The following DNTT variants were observed in gnomAD, a reference collection of about 807,000 sequenced individuals.
DNTT encodes the protein DNA nucleotidylexotransferase.
Under a neutral mutation model 60.9 loss-of-function variants are expected in DNTT, and 47 were observed. The observed-to-expected ratio is 0.77, with a 90% CI of 0.61 to 0.98. The LOEUF (loss-of-function observed/expected upper bound fraction) is 0.98. Ranked by LOEUF, DNTT falls within the 50% of genes least tolerant of loss-of-function variation. The pLI is 0.00. For missense variants in DNTT, 665 were observed against 627.5 expected, an observed-to-expected ratio of 1.06 and a Z score of -0.64; for synonymous variants, 224 against 221.2, an observed-to-expected ratio of 1.01 and a Z score of -0.11.
chr10:96,310,213 C>G (rs1000959470), intron 1 of DNTT, among the ~76,000 whole-genome samples: 1 of 152,246 alleles, frequency 6.6e-6, no homozygotes, highest in Non-Finnish European at 1.5e-5. Context: ...CCCATAAACA[C>G]TGGGGCCTCT....
chr10:96,334,300 GCAGAGA>G (rs1845042106), intron 9 of DNTT, among the ~76,000 whole-genome samples: 1 of 152,142 alleles, frequency 6.6e-6, no homozygotes, highest in Admixed American at 6.5e-5. Context: ...TCCCTGAGTT[GCAGAGA>G]CATTAGGTGA....
At chr10:96,328,930 C>G in intron 8 of DNTT, 100 bp downstream of exon 8, 1 of 1,158,874 alleles carries the variant, frequency 8.6e-7, no homozygotes, top group Non-Finnish European at 1.2e-6. Context: ...ACCATCTAAT[C>G]AATTCTCAAT....
intron 3 of DNTT, among the ~76,000 whole-genome samples, chr10:96,319,693 CA>C (rs901817578): frequency 2.3e-4 from 35 of 152,180 alleles, no homozygotes; most frequent in African/African-American, 8.0e-4. Context: ...TCTGAAAAAA[CA>C]AATACTGGAA....
intron 9 of DNTT, 138 bp from the exon 10 acceptor site, chr10:96,335,753 G>C: frequency 3.3e-6 from 3 of 908,648 alleles, no homozygotes; most frequent in African/African-American, 1.6e-5. Context: ...TCTGTCACCA[G>C]AGAATTTGGC....
chr10:96,307,772 TATA>T (rs547918356), intron 1 of DNTT, among the ~76,000 whole-genome samples: 10,156 of 111,178 alleles, frequency 0.091, 845 homozygotes, highest in South Asian at 0.16. Flanking sequence ...TATATATATA[TATA>T]TATTTTTTTT....
rs1461224907 is a variant in DNTT at position 96,320,714 on chromosome 10, C to A, written c.604C>A (p.Pro202Thr). 53 of 1,613,866 alleles carry A rather than the reference C, an allele frequency of 3.3e-5. No individual in the cohort carries two copies. The highest frequency in any genetic ancestry group is 4.5e-5 in the Non-Finnish European group (53 of 1,179,820). Residue 202 changes from proline (P) to threonine (T), a missense_variant, in exon 4 of 11, where the codon CCA (proline) becomes ACA (threonine). Transcript: ENST00000371174. ...MRAASVLKSL[P>T]FTIISMKDTE... Reference sequence around the variant, plus strand: ...AGCAGCTTCTGTATTGAAATCTCTGCCATTCACAATCATCAGTATGAAGGA... The same window carrying A: ...AGCAGCTTCTGTATTGAAATCTCTGACATTCACAATCATCAGTATGAAGGA...
chr10:96,305,824 A>AT (rs1173796938), intron 1 of DNTT, among the ~76,000 whole-genome samples: 2 of 152,116 alleles, frequency 1.3e-5, no homozygotes, highest in African/African-American at 2.4e-5. Flanking sequence ...CTTTTCATTC[A>AT]TTTTTTGCTA....
At position 96,324,292 on chromosome 10, in the gene DNTT, G is replaced by A; in HGVS notation, c.777G>A (p.Gly259=). The change falls in exon 6 of 11, where the codon GGG becomes GGA. Residue 259 remains glycine, a synonymous_variant. Coordinates refer to ENST00000371174, the MANE Select transcript of DNTT (RefSeq NM_004088.4). The part of the protein sequence containing the change: ...FKLFTSVFGV[G]LKTSEKWFRM... ...TCTTTACTTCTGTATTTGGAGTGGG[G>A]CTGAAGACTTCTGAGAAGTGGTTCA... is the stretch of plus-strand genomic sequence containing the variant. The A allele has an allele frequency of 6.2e-7, 1 of 1,613,756 alleles. No homozygotes were observed. Among genetic ancestry groups the A allele is most frequent in the Non-Finnish European group, 8.5e-7 (1 of 1,179,762 alleles).
At chr10:96,323,961 C>T (rs763866497) in intron 5 of DNTT, among the ~76,000 whole-genome samples, 36 of 152,236 alleles carry the variant, frequency 2.4e-4, no homozygotes, top group Non-Finnish European at 4.3e-4. Context: ...ATAGAGCTAG[C>T]GTATCACTCA....
chr10:96,316,455 C>T (rs1423625014), intron 1 of DNTT, among the ~76,000 whole-genome samples: 1 of 152,194 alleles, frequency 6.6e-6, no homozygotes, highest in Non-Finnish European at 1.5e-5. Flanking sequence ...TATCAATGTT[C>T]TGCTCACAAA....
At chr10:96,307,722 TATATATATATAA>T (rs1348313038) in intron 1 of DNTT, among the ~76,000 whole-genome samples, 5 of 142,382 alleles carry the variant, frequency 3.5e-5, no homozygotes, top group South Asian at 2.2e-4. Flanking sequence ...TATATATATA[TATATATATATAA>T]GCATATATAT....
chr10:96,320,934 C>A, intron 4 of DNTT, 146 bp downstream of exon 4: 1 of 562,190 alleles, frequency 1.8e-6, no homozygotes, highest in Non-Finnish European at 2.7e-6. Flanking sequence ...TCTCTCTCTC[C>A]TCTGTCTCTC....
rs199927404 is a variant in DNTT at position 96,327,477 on chromosome 10, A to G, written c.884A>G (p.Tyr295Cys). ...FTRMQKAGFL[Y>C]YEDLVSCVTR... Reference sequence around the variant, plus strand: ...TCAAATGGCCTCTCAGGATTTCTGTATTATGAAGACCTTGTCAGCTGTGTG... The same window carrying G: ...TCAAATGGCCTCTCAGGATTTCTGTGTTATGAAGACCTTGTCAGCTGTGTG... The change falls in exon 7 of 11, where the codon TAT (tyrosine) becomes TGT (cysteine). Residue 295 changes from tyrosine (Y) to cysteine (C), a missense_variant. Physicochemically the swap from Tyr to Cys is radical, Grantham distance 194 (BLOSUM62 -2). Transcript: ENST00000371174. The G allele has an allele frequency of 1.3e-5, 21 of 1,613,962 alleles. No individual in the cohort carries two copies. Among genetic ancestry groups the G allele is most frequent in the Non-Finnish European group, 1.7e-5 (20 of 1,179,948 alleles).
chr10:96,316,826 C>T (rs1413432284), intron 1 of DNTT, among the ~76,000 whole-genome samples: 3 of 152,196 alleles, frequency 2.0e-5, no homozygotes, highest in South Asian at 2.1e-4. Context: ...CCATCTGTTT[C>T]ATGTAACATA....
In DNTT at chr10:96,327,457, T is replaced by C. The variant is rs1002212194; in HGVS notation, c.875-11T>C. On this transcript the variant is annotated splice_polypyrimidine_tract_variant and intron_variant, in intron 6 of 10. Transcript: ENST00000371174. ...TCACTCTCTCCATTGACCTGTCAAA[T>C]GGCCTCTCAGGATTTCTGTATTATG... The C allele has an allele frequency of 1.1e-4, 176 of 1,613,980 alleles. No individual in the cohort carries two copies. The highest frequency in any genetic ancestry group is 1.5e-4 in the Non-Finnish European group (174 of 1,179,940).
At chr10:96,326,883 T>C (rs1844943644) in intron 6 of DNTT, among the ~76,000 whole-genome samples, 1 of 152,182 alleles carries the variant, frequency 6.6e-6, no homozygotes, top group Non-Finnish European at 1.5e-5. Context: ...TCCTTTCCTC[T>C]TTCTTTCCAA....
chr10:96,333,336 T>C (rs1352929810), intron 9 of DNTT, among the ~76,000 whole-genome samples: 2 of 152,212 alleles, frequency 1.3e-5, no homozygotes, highest in African/African-American at 4.8e-5. Context: ...AGTGAGGCTG[T>C]GGAGAAAAGG....
chr10:96,320,825 G>A (rs778016339), intron 4 of DNTT, 37 bp downstream of exon 4: 2 of 1,609,216 alleles, frequency 1.2e-6, no homozygotes, highest in Non-Finnish European at 1.7e-6. Flanking sequence ...CTTCCCAATA[G>A]GTAGGTGGGA....
chr10:96,327,564 C>T lies in DNTT; in HGVS notation c.971C>T (p.Pro324Leu), dbSNP rs925682783. The T allele has an allele frequency of 7.4e-6, 12 of 1,613,852 alleles. No individual in the cohort carries two copies. The highest frequency in any genetic ancestry group is 3.3e-5 in the South Asian group (3 of 91,052). Residue 324 changes from proline (P) to leucine (L), a missense_variant, in exon 7 of 11, where the codon CCG (proline) becomes CTG (leucine). By Grantham distance (98) the Pro-to-Leu change is moderately conservative. Transcript: ENST00000371174. The stretch of plus-strand genomic sequence containing the variant: ...AAAGAGGCTGTCTGGGCATTTCTTC[C>T]GGATGCTTTCGTCACCATGACAGGA... ...LVKEAVWAFL[P>L]DAFVTMTGGF...
Sources: allele counts gnomAD v4.1 joint callset (sites outside exome capture counted in the v4.1 genomes callset), GRCh38; gene constraint gnomAD v4.1.1; transcripts MANE v1.5; gene names NCBI Gene and HGNC (gene_info 2026-07-23, HGNC 2026-07-21).